Variants in EVA1C observed in about 807,000 individuals in gnomAD.
The protein encoded by EVA1C is eva-1 homolog C.
Under a neutral mutation model 45.4 loss-of-function variants are expected in EVA1C, and 25 were observed. The ratio of observed to expected loss-of-function variants is 0.55; its 90% CI spans 0.40 to 0.77. The LOEUF is 0.77. Among genes scored for constraint, EVA1C ranks in the 30% least tolerant of loss-of-function variants. The pLI, the probability that EVA1C is intolerant of heterozygous loss-of-function variation, is 0.00. For synonymous variants in EVA1C, 190 were observed against 221.2 expected, an observed-to-expected ratio of 0.86 and a Z score of 1.25; for missense variants, 479 against 554.8, an observed-to-expected ratio of 0.86 and a Z score of 1.37.
At chr21:32,444,053 A>AACACACACACACACACACACAC (rs60086580) in intron 1 of EVA1C, among the ~76,000 whole-genome samples, 1 of 139,938 alleles carries the variant, frequency 7.1e-6, no homozygotes, top group East Asian at 2.0e-4. Flanking sequence ...ATTGTGTGAA[A>AACACACACACACACACACACAC]ACACACACAC....
Position 32,448,280 on chromosome 21 carries a change from C to A in EVA1C, c.161-5032C>A, listed in dbSNP as rs2035438602. ...GGCTACAGAAGGCATTCCGCACCCG[C>A]TTGCTCCATGAGTTATCCAGGGCTC... On this transcript the variant is annotated intron_variant, in intron 1 of 7. Coordinates refer to ENST00000300255, the MANE Select transcript of EVA1C (RefSeq NM_058187.5). Among the ~76,000 whole-genome samples the A allele has an allele frequency of 2.0e-5, 3 of 152,206 alleles. No individual in the cohort carries two copies. The South Asian group carries it at 6.2e-4, about 32-fold the overall frequency.
chr21:32,455,455 G>A (rs954304644), intron 2 of EVA1C, among the ~76,000 whole-genome samples: 3 of 151,896 alleles, frequency 2.0e-5, no homozygotes, highest in African/African-American at 7.3e-5. Context: ...GTTTTGGGGG[G>A]GATAAACATT....
chr21:32,441,138 A>C (rs1038558575), intron 1 of EVA1C, among the ~76,000 whole-genome samples: 6 of 152,334 alleles, frequency 3.9e-5, no homozygotes, highest in Non-Finnish European at 8.8e-5. Flanking sequence ...ATATGATGAC[A>C]TACTGCTATA....
intron 1 of EVA1C, among the ~76,000 whole-genome samples, chr21:32,448,065 G>A (rs577987848): frequency 6.6e-6 from 1 of 152,192 alleles, no homozygotes; most frequent in African/African-American, 2.4e-5. Context: ...CATCCCATAT[G>A]GTTTCAAAAT....
At chr21:32,470,253 G>A (rs1219673931) in intron 4 of EVA1C, among the ~76,000 whole-genome samples, 1 of 152,194 alleles carries the variant, frequency 6.6e-6, no homozygotes, top group Non-Finnish European at 1.5e-5. Flanking sequence ...TTTAACTCAG[G>A]TGAGTCTCAA....
chr21:32,445,642 C>T (rs1235532936), intron 1 of EVA1C, among the ~76,000 whole-genome samples: 2 of 152,116 alleles, frequency 1.3e-5, no homozygotes, highest in East Asian at 1.9e-4. Context: ...ATGAGGATGA[C>T]GATCCCAAGA....
chr21:32,473,382 T>C (rs967244347), intron 4 of EVA1C, among the ~76,000 whole-genome samples: 1 of 152,220 alleles, frequency 6.6e-6, no homozygotes, highest in Non-Finnish European at 1.5e-5. Flanking sequence ...CATGAAGGCT[T>C]TAAACTGCAC....
rs143868839 is a variant in EVA1C at position 32,466,236 on chromosome 21, C to T, written c.482-1460C>T. 6.4e-3 allele frequency among the ~76,000 whole-genome samples: 979 copies of T among 152,066 alleles called. 18 individuals carry two copies. The highest frequency in any genetic ancestry group is 0.036 in the Admixed American group (547 of 15,260). On this transcript the variant is annotated intron_variant, in intron 3 of 7. Coordinates refer to ENST00000300255, the MANE Select transcript of EVA1C (RefSeq NM_058187.5). ...GAGATCAAGACCATCCTGGCTAACA[C>T]GGTGAAACCCATCTCTACTAAAAAT... is the stretch of plus-strand genomic sequence containing the variant.
At chr21:32,462,964 T>G (rs1481033849) in intron 3 of EVA1C, among the ~76,000 whole-genome samples, 1 of 152,176 alleles carries the variant, frequency 6.6e-6, no homozygotes, top group Admixed American at 6.5e-5. Context: ...ACCCCTGATT[T>G]CCCACTCCAC....
intron 4 of EVA1C, among the ~76,000 whole-genome samples, chr21:32,476,801 A>G (rs1298953301): frequency 6.6e-6 from 1 of 152,172 alleles, no homozygotes. Flanking sequence ...CCTGCACCGC[A>G]GTGGGACACA....
chr21:32,466,940 C>A (rs1225192700), intron 3 of EVA1C, among the ~76,000 whole-genome samples: 1 of 151,828 alleles, frequency 6.6e-6, no homozygotes, highest in East Asian at 1.9e-4. Flanking sequence ...GCTGGGATTA[C>A]GGGTGTGAGC....
intron 4 of EVA1C, among the ~76,000 whole-genome samples, chr21:32,483,670 C>A (rs2036870192): frequency 6.6e-6 from 1 of 152,190 alleles, no homozygotes; most frequent in African/African-American, 2.4e-5. Context: ...GGCACCCCTA[C>A]AAAATAACAC....
intron 4 of EVA1C, among the ~76,000 whole-genome samples, chr21:32,483,260 A>G (rs1568932016): frequency 6.6e-6 from 1 of 152,104 alleles, no homozygotes; most frequent in African/African-American, 2.4e-5. Context: ...TTAAGCCCTG[A>G]TTTGAATGTG....
intron 7 of EVA1C, among the ~76,000 whole-genome samples, chr21:32,511,936 T>G (rs1364013600): frequency 6.6e-6 from 1 of 150,476 alleles, no homozygotes; most frequent in Non-Finnish European, 1.5e-5. Context: ...AGCAGGAGAG[T>G]GGGTGAATAA....
Position 32,412,769 on chromosome 21 carries a change from T to C in EVA1C, c.-85T>C. The C allele has an allele frequency of 7.9e-7, 1 of 1,259,436 alleles. No individual in the cohort carries two copies. Among genetic ancestry groups the C allele is most frequent in the Non-Finnish European group, 1.0e-6 (1 of 986,774 alleles). 78.0% of individuals were successfully genotyped at this position (1,259,436 alleles called of 1,614,324 possible). A position where few individuals can be genotyped will look rare whatever the true frequency, so the allele number is the denominator to read the frequency against. On this transcript the variant is annotated 5_prime_UTR_variant, in exon 1 of 8. Transcript: ENST00000300255. ...GGCCGCGGAGCCGCTGGCCATCGAT[T>C]CTCCCCGCCATGTGACGCCGTCCTT...
intron 5 of EVA1C, among the ~76,000 whole-genome samples, chr21:32,497,802 C>A (rs563367286): frequency 1.3e-5 from 2 of 152,258 alleles, no homozygotes; most frequent in Non-Finnish European, 2.9e-5. Context: ...CCATCTTATG[C>A]GGATGGCGGC....
Position 32,412,796 on chromosome 21 carries a change from G to T in EVA1C, c.-58G>T, listed in dbSNP as rs1293023937. The T allele has an allele frequency of 6.0e-6, 8 of 1,331,208 alleles. No homozygotes were observed. The highest frequency in any genetic ancestry group is 7.7e-6 in the Non-Finnish European group (8 of 1,045,438). The allele number at this position is 1,331,208 out of a possible 1,614,324, so 82.5% of individuals were successfully genotyped here. Reference sequence around the variant, plus strand: ...TCCCCGCCATGTGACGCCGTCCTTAGCCCTGCGACCCCCAGCGCGTCCCGG... The same window carrying T: ...TCCCCGCCATGTGACGCCGTCCTTATCCCTGCGACCCCCAGCGCGTCCCGG... On this transcript the variant is annotated 5_prime_UTR_variant, in exon 1 of 8. Coordinates refer to ENST00000300255, the MANE Select transcript of EVA1C (RefSeq NM_058187.5).
chr21:32,455,537 C>T (rs1049375147), intron 2 of EVA1C, among the ~76,000 whole-genome samples: 2 of 152,094 alleles, frequency 1.3e-5, no homozygotes, highest in African/African-American at 4.8e-5. Context: ...TCCCTCTTGA[C>T]CCACCCCCAT....
Position 32,457,732 on chromosome 21 carries a change from C to A in EVA1C, c.481+12C>A, listed in dbSNP as rs376782529. The A allele has an allele frequency of 6.2e-7, 1 of 1,614,018 alleles. No homozygotes were observed. The highest frequency in any genetic ancestry group is 2.2e-5 in the East Asian group (1 of 44,874). ...TAAATGCCAACCTAGTAAGTAACTT[C>A]GGAGGGGGACAGTGTGTTTGGGGTG... On this transcript the variant is annotated intron_variant, in intron 3 of 7. Transcript: ENST00000300255.
Sources: gnomAD v4.1 joint callset for allele counts (sites outside exome capture counted in the v4.1 genomes callset) on GRCh38, gnomAD v4.1.1 for gene constraint, MANE v1.5 for transcripts, NCBI Gene and HGNC (gene_info 2026-07-23, HGNC 2026-07-21) for gene names.